LPAR6: variants seen among roughly 807,000 people sequenced by gnomAD.
The protein encoded by LPAR6 is lysophosphatidic acid receptor 6.
LPAR6 carries 17 observed loss-of-function variants against 22.0 expected under a neutral mutation model. The observed-to-expected ratio is 0.77, with a 90% confidence interval of 0.53 to 1.16. The LOEUF (loss-of-function observed/expected upper bound fraction) is 1.16, where lower values mean the gene tolerates loss of function less well. LPAR6 is among the 50% of genes most tolerant of loss of function. The pLI, the probability that LPAR6 is intolerant of heterozygous loss-of-function variation, is 0.00. For missense variants in LPAR6, 384 were observed against 406.9 expected (o/e 0.94, Z 0.48); for synonymous variants, 136 against 139.8 (o/e 0.97, Z 0.19).
At chr13:48,440,557 A>G (rs1949227112) in intron 1 of LPAR6, among the ~76,000 whole-genome samples, 1 of 152,194 alleles carries the variant, frequency 6.6e-6, no homozygotes, top group Admixed American at 6.5e-5. Flanking sequence ...GGCTTCATAT[A>G]TATAAAGATT....
At chr13:48,415,845 A>T (rs1019457767), upstream of LPAR6, 3 of 152,166 alleles carry the variant, frequency 2.0e-5, no homozygotes, top group Non-Finnish European at 4.4e-5. Flanking sequence ...TGAATACTGC[A>T]TTTTTTCCAG....
chr13:48,399,406 AAGAT>A lies in LPAR6; in HGVS notation n.115-9598_115-9595del, dbSNP rs1350623176. 9.9e-5 allele frequency among the ~76,000 whole-genome samples: 15 copies of A among 152,178 alleles called. No individual in the cohort carries two copies. In the East Asian group the frequency reaches 2.9e-3, roughly 29 times the overall value. On this transcript the variant is annotated intron_variant and non_coding_transcript_variant, in intron 1 of 1. Coordinates refer to the LPAR6 transcript ENST00000462781. ...TGAACTAATAATCTACAAAAATTTT[AAGAT>A]AGATAAGCAGAAAGAATACAAACAA...
At chr13:48,416,963 T>TG (rs965976627), upstream of LPAR6, among the ~76,000 whole-genome samples, 61 of 152,242 alleles carry the variant, frequency 4.0e-4, no homozygotes, top group Admixed American at 1.2e-3. Flanking sequence ...ACAGAGCACC[T>TG]GGGGGAAGGG....
At chr13:48,407,023 C>A (rs1948746472), downstream of LPAR6, among the ~76,000 whole-genome samples, 2 of 152,184 alleles carry the variant, frequency 1.3e-5, no homozygotes. Flanking sequence ...CATCAGATGA[C>A]CATCAGGCCC....
chr13:48,401,277 A>C (rs1459419169), intron 1 of LPAR6: 5 of 152,130 alleles, frequency 3.3e-5, no homozygotes, highest in Non-Finnish European at 7.4e-5. Flanking sequence ...TAGTTTTAGA[A>C]TTTTCAGTTT....
chr13:48,410,358 A>T (rs1302761829), downstream of LPAR6, among the ~76,000 whole-genome samples: 4 of 152,228 alleles, frequency 2.6e-5, no homozygotes, highest in African/African-American at 9.6e-5. Context: ...TTTGTAGCCT[A>T]GAAGCAGTAG....
At position 48,411,510 on chromosome 13, in the gene LPAR6, T is replaced by G. The variant is rs1466597893; in HGVS notation, c.914A>C (p.Lys305Thr). ...GTCACTTCTCCTGACAGACCAGTTTTTCATTTTTATTGAATTCTGAATTGT... is the reference window on the plus strand; with the variant it reads ...GTCACTTCTCCTGACAGACCAGTTTGTCATTTTTATTGAATTCTGAATTGT... ...SDTIQNSIKM[K>T]NWSVRRSDFR... Residue 305 changes from lysine to threonine, a missense_variant, in exon 1 of 1, where the codon AAA becomes ACA. Physicochemically the swap from Lys to Thr is moderately conservative, Grantham distance 78 (BLOSUM62 -1). Coordinates refer to ENST00000620633, the MANE Select transcript of LPAR6 (RefSeq NM_001162498.3). The G allele has an allele frequency of 1.2e-6, 2 of 1,612,762 alleles. No homozygotes were observed. Among genetic ancestry groups the G allele is most frequent in the Non-Finnish European group, 1.7e-6 (2 of 1,179,472 alleles).
chr13:48,403,544 A>G (rs1948712584), intron 1 of LPAR6, among the ~76,000 whole-genome samples: 1 of 152,186 alleles, frequency 6.6e-6, no homozygotes, highest in Admixed American at 6.5e-5. Flanking sequence ...GGAGTCTTAG[A>G]GAGCCCCCAA....
intron 1 of LPAR6, among the ~76,000 whole-genome samples, chr13:48,442,203 T>C (rs779278712): frequency 4.0e-5 from 6 of 150,024 alleles, no homozygotes; most frequent in Non-Finnish European, 8.8e-5. Context: ...CAGTATGAAT[T>C]TTATTTTTTT....
intron 2 of LPAR6, among the ~76,000 whole-genome samples, chr13:48,420,738 C>T (rs1948992961): frequency 6.6e-6 from 1 of 152,066 alleles, no homozygotes; most frequent in African/African-American, 2.4e-5. Flanking sequence ...TCCTATACAA[C>T]AATAATAGAC....
At chr13:48,390,978 G>A (rs749495984) in intron 1 of LPAR6, among the ~76,000 whole-genome samples, 18 of 152,002 alleles carry the variant, frequency 1.2e-4, no homozygotes, top group Non-Finnish European at 2.6e-4. Flanking sequence ...TGATATGGTT[G>A]GGTTTAAATT....
upstream of LPAR6, among the ~76,000 whole-genome samples, chr13:48,415,013 A>C (rs1948884499): frequency 6.6e-6 from 1 of 152,020 alleles, no homozygotes; most frequent in African/African-American, 2.4e-5. Context: ...TATTTGGTTC[A>C]GTATGTTTTA....
downstream of LPAR6, among the ~76,000 whole-genome samples, chr13:48,410,445 C>T (rs534373357): frequency 6.6e-5 from 10 of 152,138 alleles, no homozygotes; most frequent in East Asian, 3.9e-4. Flanking sequence ...GATGTTTGCA[C>T]GACATAATTA....
At chr13:48,416,363 A>T (rs991474833), upstream of LPAR6, 1 of 152,292 alleles carries the variant, frequency 6.6e-6, no homozygotes, top group South Asian at 2.1e-4. Flanking sequence ...AAGGGAAGCC[A>T]TGAGGGAATG....
upstream of LPAR6, chr13:48,429,689 T>C (rs1444671248): frequency 6.6e-6 from 1 of 152,184 alleles, no homozygotes; most frequent in East Asian, 1.9e-4. Context: ...ATTATATATA[T>C]TATTTTAAAA....
At chr13:48,425,436 G>C (rs1949065791) in intron 1 of LPAR6, among the ~76,000 whole-genome samples, 1 of 152,184 alleles carries the variant, frequency 6.6e-6, no homozygotes, top group African/African-American at 2.4e-5. Context: ...GGCTGAATTT[G>C]GTCATAAAAC....
chr13:48,434,551 A>G (rs1029895197), intron 1 of LPAR6, among the ~76,000 whole-genome samples: 1 of 152,140 alleles, frequency 6.6e-6, no homozygotes, highest in Non-Finnish European at 1.5e-5. Flanking sequence ...ACCCTGGCCC[A>G]GGAAGTCTCT....
chr13:48,437,694 C>T (rs1483950545), intron 1 of LPAR6, among the ~76,000 whole-genome samples: 1 of 152,150 alleles, frequency 6.6e-6, no homozygotes, highest in Non-Finnish European at 1.5e-5. Context: ...AGCTCCCTGC[C>T]TCAACCCCAG....
intron 1 of LPAR6, among the ~76,000 whole-genome samples, chr13:48,401,108 G>C (rs987312183): frequency 6.6e-6 from 1 of 152,114 alleles, no homozygotes; most frequent in Non-Finnish European, 1.5e-5. Context: ...CCTGAGGGTG[G>C]TGTTAGTTCA....
Sources: gnomAD v4.1 joint callset for allele counts (sites outside exome capture counted in the v4.1 genomes callset) on GRCh38, gnomAD v4.1.1 for gene constraint, MANE v1.5 for transcripts, NCBI Gene and HGNC (gene_info 2026-07-23, HGNC 2026-07-21) for gene names.